Variants in SDC2 observed in about 807,000 individuals in gnomAD.
The protein encoded by SDC2 is syndecan 2, also known as syndecan-2.
SDC2 carries 13 observed loss-of-function variants against 22.2 expected under a neutral mutation model. The observed-to-expected ratio is 0.59, with a 90% CI of 0.38 to 0.93. The LOEUF is 0.93. Among genes scored for constraint, SDC2 ranks in the 40% least tolerant of loss-of-function variants. The probability of loss-of-function intolerance (pLI) is 0.00; values close to 1 mark genes in which losing one functional copy is unlikely to be tolerated. For missense variants in SDC2, 235 were observed against 246.8 expected (o/e 0.95, Z 0.32); for synonymous variants, 94 against 92.8 (o/e 1.01, Z -0.07).
chr8:96,495,297 C>T (rs11787027), intron 1 of SDC2, among the ~76,000 whole-genome samples: 29,885 of 152,218 alleles, frequency 0.2, 3,304 homozygotes, highest in Non-Finnish European at 0.27. Flanking sequence ...TTCCCTCCCC[C>T]GCCCTGGCGG....
intron 1 of SDC2, among the ~76,000 whole-genome samples, chr8:96,500,460 G>A (rs1472983057): frequency 6.6e-6 from 1 of 151,900 alleles, no homozygotes; most frequent in Non-Finnish European, 1.5e-5. Context: ...TCAGGAATTC[G>A]AGACCAGCCT....
intron 1 of SDC2, among the ~76,000 whole-genome samples, chr8:96,571,662 C>A (rs1814396995): frequency 6.6e-6 from 1 of 152,156 alleles, no homozygotes; most frequent in African/African-American, 2.4e-5. Flanking sequence ...AAAGACAGCA[C>A]CCCCTCTTGC....
chr8:96,577,360 A>G (rs1814522206), intron 1 of SDC2, among the ~76,000 whole-genome samples: 1 of 152,196 alleles, frequency 6.6e-6, no homozygotes, highest in Non-Finnish European at 1.5e-5. Flanking sequence ...AGGGCAGAAT[A>G]TATGGACAGG....
Position 96,509,408 on chromosome 8 carries a change from C to A in SDC2, c.60+15077C>A, listed in dbSNP as rs1813296412. Among the ~76,000 whole-genome samples the A allele has an allele frequency of 1.4e-5, 2 of 142,114 alleles. 1 individual carries two copies. Among genetic ancestry groups the A allele is most frequent in the Admixed American group, 1.4e-4 (2 of 14,350 alleles). The allele number at this position is 142,114 out of a possible 152,430, so 93.2% of individuals were successfully genotyped here. A position where few individuals can be genotyped will look rare whatever the true frequency, so the allele number is the denominator to read the frequency against. On this transcript the variant is annotated intron_variant, in intron 1 of 4. Transcript: ENST00000302190. ...CATGAGGCAGAGAAGACTGATGGTG[C>A]CACTGACCAGATCAGGAGGACAGAC...
intron 1 of SDC2, among the ~76,000 whole-genome samples, chr8:96,503,672 G>A (rs1240441049): frequency 2.0e-5 from 3 of 152,136 alleles, no homozygotes; most frequent in South Asian, 4.2e-4. Context: ...CTAGGAAGGG[G>A]CACAAGAGAT....
intron 1 of SDC2, among the ~76,000 whole-genome samples, chr8:96,565,527 A>G (rs925411249): frequency 1.3e-5 from 2 of 152,148 alleles, no homozygotes; most frequent in Admixed American, 1.3e-4. Context: ...ATAAATCTAT[A>G]TGTATATGTA....
intron 3 of SDC2, among the ~76,000 whole-genome samples, chr8:96,605,993 G>T (rs1815072468): frequency 2.0e-5 from 3 of 152,172 alleles, no homozygotes; most frequent in Admixed American, 2.0e-4. Context: ...CATTTTGGAT[G>T]AACTCTAGCC....
intron 1 of SDC2, among the ~76,000 whole-genome samples, chr8:96,532,360 G>A (rs1480595751): frequency 6.9e-6 from 1 of 145,100 alleles, no homozygotes; most frequent in Non-Finnish European, 1.5e-5. Context: ...GGGGCACTAA[G>A]GAATAGGATT....
intron 1 of SDC2, among the ~76,000 whole-genome samples, chr8:96,581,633 TA>T (rs5893393): frequency 1.5e-3 from 221 of 145,596 alleles, no homozygotes; most frequent in Middle Eastern, 3.6e-3. Context: ...CTCTGTCTCT[TA>T]AAAAAAAAAA....
intron 1 of SDC2, among the ~76,000 whole-genome samples, chr8:96,543,307 A>T (rs576207495): frequency 1.2e-4 from 18 of 152,204 alleles, no homozygotes; most frequent in Non-Finnish European, 2.1e-4. Context: ...ATGAAAATGA[A>T]CTTAGTCTGT....
intron 2 of SDC2, among the ~76,000 whole-genome samples, chr8:96,602,009 C>T (rs866847002): frequency 6.6e-5 from 10 of 152,266 alleles, no homozygotes; most frequent in Middle Eastern, 3.4e-3. Flanking sequence ...CCGCTCTCCT[C>T]GGCCTCCCAA....
At chr8:96,554,876 C>T (rs2130546660) in intron 1 of SDC2, among the ~76,000 whole-genome samples, 1 of 152,266 alleles carries the variant, frequency 6.6e-6, no homozygotes, top group South Asian at 2.1e-4. Flanking sequence ...GCACAGGTTG[C>T]TGTACAGCTT....
At chr8:96,497,000 A>T (rs912264406) in intron 1 of SDC2, among the ~76,000 whole-genome samples, 5 of 152,336 alleles carry the variant, frequency 3.3e-5, no homozygotes, top group African/African-American at 1.2e-4. Context: ...CATTTTGTAC[A>T]TGACTGTTTA....
intron 1 of SDC2, among the ~76,000 whole-genome samples, chr8:96,553,146 A>G (rs1299339800): frequency 1.3e-5 from 2 of 152,208 alleles, no homozygotes; most frequent in Non-Finnish European, 2.9e-5. Flanking sequence ...GTTTTATCTG[A>G]TAAATATTTA....
intron 1 of SDC2, among the ~76,000 whole-genome samples, chr8:96,519,843 G>C (rs962323931): frequency 1.3e-5 from 2 of 152,014 alleles, no homozygotes; most frequent in Non-Finnish European, 2.9e-5. Flanking sequence ...GGCCAAGCTG[G>C]TCTTGAACTC....
chr8:96,534,519 C>T (rs935256250), intron 1 of SDC2, among the ~76,000 whole-genome samples: 13 of 152,126 alleles, frequency 8.5e-5, no homozygotes, highest in Admixed American at 5.2e-4. Context: ...ACTGTAACTT[C>T]AAACTCCAGG....
intron 1 of SDC2, among the ~76,000 whole-genome samples, chr8:96,567,977 G>GCA (rs1814328876): frequency 6.6e-6 from 1 of 152,168 alleles, no homozygotes; most frequent in South Asian, 2.1e-4. Context: ...CAGGTCTGCT[G>GCA]CACACTAGAA....
intron 1 of SDC2, among the ~76,000 whole-genome samples, chr8:96,590,387 G>T (rs765059392): frequency 2.6e-5 from 4 of 152,188 alleles, no homozygotes; most frequent in Non-Finnish European, 5.9e-5. Context: ...ATTGAGTAAG[G>T]GAGTGTGTGC....
chr8:96,585,577 G>C (rs1466463313), intron 1 of SDC2, among the ~76,000 whole-genome samples: 1 of 152,054 alleles, frequency 6.6e-6, no homozygotes. Context: ...GTGATGCTTG[G>C]GGACAGGGGA....
Sources: allele counts gnomAD v4.1 joint callset (sites outside exome capture counted in the v4.1 genomes callset), GRCh38; gene constraint gnomAD v4.1.1; transcripts MANE v1.5; gene names NCBI Gene and HGNC (gene_info 2026-07-23, HGNC 2026-07-21).